WDR7: variants seen among roughly 807,000 people sequenced by gnomAD.
The protein encoded by WDR7 is WD repeat-containing protein 7.
In WDR7, 46 loss-of-function variants were observed where a neutral mutation model predicts 169.4. The ratio of observed to expected loss-of-function variants is 0.27; its 90% confidence interval spans 0.21 to 0.35. The LOEUF is 0.35. Ranked by LOEUF, WDR7 falls within the 10% of genes least tolerant of loss-of-function variation. The pLI is 1.00. For missense variants in WDR7, 1,534 were observed against 1,859.3 expected, an observed-to-expected ratio of 0.83 and a Z score of 3.22; for synonymous variants, 612 against 666.8, an observed-to-expected ratio of 0.92 and a Z score of 1.27.
intron 26 of WDR7, chr18:57,009,826 T>C: frequency 1.0e-6 from 1 of 984,260 alleles, no homozygotes; most frequent in African/African-American, 1.7e-5. Flanking sequence ...TCAGACAATT[T>C]TGTGTCACCA....
At chr18:57,026,765 C>G (rs971039820) in intron 27 of WDR7, among the ~76,000 whole-genome samples, 14 of 152,182 alleles carry the variant, frequency 9.2e-5, no homozygotes, top group South Asian at 2.1e-4. Context: ...GATCCATGGA[C>G]TCTCCTTTTG....
At chr18:56,666,981 C>T (rs74837132) in intron 1 of WDR7, among the ~76,000 whole-genome samples, 3,740 of 151,468 alleles carry the variant, frequency 0.025, 145 homozygotes, top group African/African-American at 0.086. Context: ...GGAGACAGAG[C>T]GTTATTTCAT....
intron 22 of WDR7, among the ~76,000 whole-genome samples, chr18:56,926,697 A>T (rs2046813712): frequency 6.6e-6 from 1 of 152,204 alleles, no homozygotes; most frequent in Non-Finnish European, 1.5e-5. Context: ...CTTTCTGTAC[A>T]CAGCTCTGAA....
At chr18:56,997,273 A>G (rs1054695165) in intron 26 of WDR7, among the ~76,000 whole-genome samples, 1 of 152,250 alleles carries the variant, frequency 6.6e-6, no homozygotes, top group African/African-American at 2.4e-5. Flanking sequence ...AGTGGCAGAT[A>G]TAGAAAAAAA....
At chr18:56,951,255 C>G (rs1032157389) in intron 25 of WDR7, among the ~76,000 whole-genome samples, 4 of 152,182 alleles carry the variant, frequency 2.6e-5, no homozygotes, top group African/African-American at 9.6e-5. Flanking sequence ...CAGGGAACTT[C>G]TCTGATAATT....
chr18:56,849,771 A>C (rs1411857503), intron 20 of WDR7, among the ~76,000 whole-genome samples: 2 of 152,186 alleles, frequency 1.3e-5, no homozygotes, highest in Non-Finnish European at 2.9e-5. Context: ...AAAACAAAAC[A>C]AAACAAAAAA....
chr18:56,908,147 G>A (rs1458450426), intron 21 of WDR7, among the ~76,000 whole-genome samples: 5 of 152,110 alleles, frequency 3.3e-5, no homozygotes. Context: ...AATTGATCTT[G>A]CTTTCACATT....
intron 20 of WDR7, among the ~76,000 whole-genome samples, chr18:56,859,741 T>C (rs1568234807): frequency 6.6e-6 from 1 of 152,230 alleles, no homozygotes; most frequent in Non-Finnish European, 1.5e-5. Flanking sequence ...AGTGAACATT[T>C]GTGACCATTG....
Position 56,757,087 on chromosome 18 carries a change from A to G in WDR7, c.2494A>G (p.Thr832Ala), listed in dbSNP as rs768782499. The change falls in exon 15 of 28, where the codon ACC becomes GCC. Residue 832 changes from threonine to alanine, a missense_variant. Transcript: ENST00000254442. ...CCTTGGAATGCTGAAACCCCACTGC[A>G]CCGTATCGTTTGGCCTCTTGTCAAG... ...DRLGMLKPHC[T>A]VSFGLLSRGG... 3 of 1,614,106 alleles carry G rather than the reference A, an allele frequency of 1.9e-6. No individual in the cohort carries two copies. The South Asian group carries it at 3.3e-5, about 18-fold the overall frequency.
At chr18:57,019,730 A>G (rs2145936552) in intron 26 of WDR7, among the ~76,000 whole-genome samples, 1 of 152,288 alleles carries the variant, frequency 6.6e-6, no homozygotes, top group East Asian at 1.9e-4. Flanking sequence ...CGAAACACAT[A>G]ACAAGCCTGA....
chr18:56,788,594 G>A (rs2044437969), intron 19 of WDR7, among the ~76,000 whole-genome samples: 1 of 152,024 alleles, frequency 6.6e-6, no homozygotes, highest in Non-Finnish European at 1.5e-5. Flanking sequence ...CTCACTTTCT[G>A]CTTGCTGGAC....
chr18:56,771,046 AC>A (rs758574325), intron 16 of WDR7, among the ~76,000 whole-genome samples: 18 of 152,192 alleles, frequency 1.2e-4, no homozygotes, highest in Non-Finnish European at 2.5e-4. Flanking sequence ...ATTCCCTACA[AC>A]AACTGACCCA....
At chr18:56,810,530 A>T (rs566217672) in intron 19 of WDR7, among the ~76,000 whole-genome samples, 127 of 152,328 alleles carry the variant, frequency 8.3e-4, no homozygotes, top group Middle Eastern at 3.4e-3. Context: ...ATATAGTTAC[A>T]AATATGGTCA....
At chr18:56,959,973 G>A (rs544267508) in intron 25 of WDR7, among the ~76,000 whole-genome samples, 1 of 152,318 alleles carries the variant, frequency 6.6e-6, no homozygotes, top group African/African-American at 2.4e-5. Flanking sequence ...TACTTGGGAA[G>A]TGACTGCGTA....
intron 20 of WDR7, among the ~76,000 whole-genome samples, chr18:56,845,289 T>C (rs150720247): frequency 2.6e-5 from 4 of 152,278 alleles, no homozygotes; most frequent in African/African-American, 9.6e-5. Flanking sequence ...GTAGTGTTTC[T>C]ATGCATAAAA....
intron 20 of WDR7, among the ~76,000 whole-genome samples, chr18:56,846,140 G>A (rs770660309): frequency 2.2e-4 from 33 of 152,128 alleles, no homozygotes; most frequent in Non-Finnish European, 3.1e-4. Context: ...ATTTTCTAAA[G>A]AGATTATGTG....
At chr18:56,684,059 T>C (rs1275412642) in intron 5 of WDR7, among the ~76,000 whole-genome samples, 7 of 152,218 alleles carry the variant, frequency 4.6e-5, no homozygotes, top group Admixed American at 1.3e-4. Context: ...GCTGTCCAGA[T>C]CAGATGAAGT....
At chr18:56,698,288 G>A (rs566534398) in intron 12 of WDR7, among the ~76,000 whole-genome samples, 1 of 151,688 alleles carries the variant, frequency 6.6e-6, no homozygotes, top group African/African-American at 2.4e-5. Context: ...ATTCCCTTGT[G>A]TTTTTTAAAC....
At chr18:56,856,608 C>T (rs1459999751) in intron 20 of WDR7, among the ~76,000 whole-genome samples, 1 of 151,620 alleles carries the variant, frequency 6.6e-6, no homozygotes, top group East Asian at 1.9e-4. Flanking sequence ...TAATAATGAT[C>T]AACATTTTAT....
Sources: gnomAD v4.1 joint callset for allele counts (sites outside exome capture counted in the v4.1 genomes callset) on GRCh38, gnomAD v4.1.1 for gene constraint, MANE v1.5 for transcripts, NCBI Gene and HGNC (gene_info 2026-07-23, HGNC 2026-07-21) for gene names.